The following HNRNPA1L2 variants were observed in gnomAD, a reference collection of about 807,000 sequenced individuals.
HNRNPA1L2 encodes heterogeneous nuclear ribonucleoprotein A1 like 2, also known as heterogeneous nuclear ribonucleoprotein A1-like 2.
HNRNPA1L2 carries 10 observed loss-of-function variants against 18.2 expected under a neutral mutation model. The observed-to-expected ratio is 0.55, with a 90% CI of 0.34 to 0.93. The LOEUF (loss-of-function observed/expected upper bound fraction) is 0.93, where lower values mean the gene tolerates loss of function less well. Among genes scored for constraint, HNRNPA1L2 ranks in the 40% least tolerant of loss-of-function variants. HNRNPA1L2 has a pLI of 0.02. For synonymous variants in HNRNPA1L2, 124 were observed against 138.6 expected, an observed-to-expected ratio of 0.89 and a Z score of 0.74; for missense variants, 308 against 394.4, an observed-to-expected ratio of 0.78 and a Z score of 1.85.
At chr13:52,621,626 A>C in the HNRNPA1L2 span, among the ~76,000 whole-genome samples, 1 of 152,176 alleles carries the variant, frequency 6.6e-6, no homozygotes, top group Admixed American at 6.6e-5. Flanking sequence ...CCCAAGGAGC[A>C]GGTGATCAAT....
chr13:52,638,282 G>T (rs1445410682), upstream of HNRNPA1L2, among the ~76,000 whole-genome samples: 1 of 152,158 alleles, frequency 6.6e-6, no homozygotes. Flanking sequence ...AATGACAGGT[G>T]CATTTGCCCT....
At chr13:52,639,885 T>TTTGTTTTTTTTTTG (rs1555269243), upstream of HNRNPA1L2, among the ~76,000 whole-genome samples, 1 of 117,768 alleles carries the variant, frequency 8.5e-6, no homozygotes, top group African/African-American at 2.9e-5. Flanking sequence ...TGTTTTTTTT[T>TTTGTTTTTTTTTTG]TTTTTTTTTT....
At chr13:52,633,964 T>G in the HNRNPA1L2 span, among the ~76,000 whole-genome samples, 1 of 152,238 alleles carries the variant, frequency 6.6e-6, no homozygotes, top group Non-Finnish European at 1.5e-5. Flanking sequence ...TTCATGTCTG[T>G]ATACCCTATA....
At chr13:52,639,904 T>G (rs181327066), upstream of HNRNPA1L2, among the ~76,000 whole-genome samples, 22,552 of 140,422 alleles carry the variant, frequency 0.16, 1,444 homozygotes, top group South Asian at 0.26. Context: ...TTGTTTTTTT[T>G]TTTTTGAGAT....
At chr13:52,622,545 G>A in the HNRNPA1L2 span, among the ~76,000 whole-genome samples, 6 of 152,306 alleles carry the variant, frequency 3.9e-5, no homozygotes, top group South Asian at 1.2e-3. Flanking sequence ...ACTTATTGGT[G>A]TTATTAACTG....
In HNRNPA1L2 at chr13:52,642,997, A is replaced by G. The variant is rs774692517; in HGVS notation, c.505A>G (p.Thr169Ala). ...VDKIVIQKYH[T>A]VKGHNCEVRK... ...TAAGATTGTCATTCAGAAATACCAT[A>G]CTGTGAAGGGCCACAACTGTGAAGT... The change falls in exon 1 of 1, where the codon ACT becomes GCT. Residue 169 changes from threonine to alanine, a missense_variant. Transcript: ENST00000357495. 15 of 1,597,366 alleles carry G rather than the reference A, an allele frequency of 9.4e-6. No individual in the cohort carries two copies. Among genetic ancestry groups the G allele is most frequent in the Non-Finnish European group, 1.2e-5 (14 of 1,179,794 alleles).
chr13:52,621,798 A>G, the HNRNPA1L2 span, among the ~76,000 whole-genome samples: 3 of 152,218 alleles, frequency 2.0e-5, no homozygotes, highest in East Asian at 5.8e-4. Context: ...AAATGTGCAT[A>G]AAACATATTG....
the HNRNPA1L2 span, among the ~76,000 whole-genome samples, chr13:52,619,200 G>A: frequency 3.3e-5 from 5 of 151,994 alleles, no homozygotes; most frequent in Non-Finnish European, 5.9e-5. Flanking sequence ...GTTTCTCCAT[G>A]TTGGCCAGGC....
At chr13:52,631,759 A>G in the HNRNPA1L2 span, among the ~76,000 whole-genome samples, 1 of 152,232 alleles carries the variant, frequency 6.6e-6, no homozygotes, top group South Asian at 2.1e-4. Flanking sequence ...AGTTTATTCA[A>G]GTAAATATGT....
chr13:52,631,056 C>T, the HNRNPA1L2 span, among the ~76,000 whole-genome samples: 1 of 152,004 alleles, frequency 6.6e-6, no homozygotes, highest in East Asian at 1.9e-4. Flanking sequence ...TGTTAAAAAG[C>T]CAGCTAAAGG....
chr13:52,642,368 G>A, upstream of HNRNPA1L2: 2 of 1,294,662 alleles, frequency 1.5e-6, no homozygotes, highest in East Asian at 4.6e-5. Flanking sequence ...ATTTCCCAAA[G>A]AGAATCAGCC....
chr13:52,639,694 C>CAAAAAAAAAAAAAAA (rs10661534), upstream of HNRNPA1L2, among the ~76,000 whole-genome samples: 3 of 73,546 alleles, frequency 4.1e-5, no homozygotes, highest in Admixed American at 1.6e-4. Flanking sequence ...GACCCTGTCT[C>CAAAAAAAAAAAAAAA]AAAAAAAAAA....
At chr13:52,639,887 T>TG (rs368448497), upstream of HNRNPA1L2, among the ~76,000 whole-genome samples, 8,980 of 126,752 alleles carry the variant, frequency 0.071, 370 homozygotes, top group Admixed American at 0.082. Context: ...TTTTTTTTTT[T>TG]TTTTTTTTGT....
At chr13:52,618,325 A>G in the HNRNPA1L2 span, among the ~76,000 whole-genome samples, 11 of 152,364 alleles carry the variant, frequency 7.2e-5, no homozygotes, top group Non-Finnish European at 4.4e-5. Flanking sequence ...GTTAGCCAGG[A>G]AAGAAAACGT....
chr13:52,626,540 T>A, the HNRNPA1L2 span, among the ~76,000 whole-genome samples: 1 of 152,226 alleles, frequency 6.6e-6, no homozygotes, highest in Non-Finnish European at 1.5e-5. Context: ...AAAAGCTTTT[T>A]CTTATGAAAA....
chr13:52,625,784 TTTTC>T, the HNRNPA1L2 span, among the ~76,000 whole-genome samples: 1 of 152,172 alleles, frequency 6.6e-6, no homozygotes, highest in Non-Finnish European at 1.5e-5. Flanking sequence ...CCTTTTTTCT[TTTTC>T]TTTTTTTGAG....
rs1345258665 is a variant in HNRNPA1L2 at position 52,643,398 on chromosome 13, A to G, written c.906A>G (p.Gln302=). ...AATACTTTGCAAAACCACAAAACCA[A>G]GGTGGCTATGGCGTTTCCAGCAGCA... ...GGQYFAKPQN[Q]GGYGVSSSSS... The change falls in exon 1 of 1, where the codon CAA becomes CAG. Residue 302 remains glutamine (Q), a synonymous_variant. Transcript: ENST00000357495. The G allele has an allele frequency of 1.3e-5, 20 of 1,598,652 alleles. No homozygotes were observed. The Admixed American group carries it at 3.3e-4, about 27-fold the overall frequency.
At chr13:52,642,278 G>A, upstream of HNRNPA1L2, 1 of 614,582 alleles carries the variant, frequency 1.6e-6, no homozygotes, top group South Asian at 2.5e-5. Context: ...GAGGAATGAA[G>A]TATCCTACTG....
chr13:52,633,971 T>G, the HNRNPA1L2 span, among the ~76,000 whole-genome samples: 1 of 152,236 alleles, frequency 6.6e-6, no homozygotes, highest in Non-Finnish European at 1.5e-5. Context: ...CTGTATACCC[T>G]ATAGCATCTA....
Sources: gnomAD v4.1 joint callset for allele counts (sites outside exome capture counted in the v4.1 genomes callset) on GRCh38, gnomAD v4.1.1 for gene constraint, MANE v1.5 for transcripts, NCBI Gene and HGNC (gene_info 2026-07-23, HGNC 2026-07-21) for gene names.